CTNND2: variants seen among roughly 807,000 people sequenced by gnomAD.
The protein encoded by CTNND2 is catenin delta-2.
A neutral mutation model predicts 144.4 loss-of-function variants in CTNND2; 22 were observed. The ratio of observed to expected loss-of-function variants is 0.15; its 90% confidence interval spans 0.11 to 0.22. The LOEUF is 0.22. CTNND2 is among the 10% of genes least tolerant of loss of function. CTNND2 has a pLI of 1.00. For synonymous variants in CTNND2, 751 were observed against 695.6 expected (o/e 1.08, Z -1.25); for missense variants, 1,353 against 1,618.8 (o/e 0.84, Z 2.82).
At chr5:11,095,338 C>A (rs1751228301) in intron 15 of CTNND2, among the ~76,000 whole-genome samples, 1 of 152,178 alleles carries the variant, frequency 6.6e-6, no homozygotes, top group Non-Finnish European at 1.5e-5. Flanking sequence ...CTCATAACTT[C>A]TTTCTATCAA....
At chr5:11,653,831 G>A (rs1309315094) in intron 2 of CTNND2, among the ~76,000 whole-genome samples, 1 of 151,798 alleles carries the variant, frequency 6.6e-6, no homozygotes, top group Non-Finnish European at 1.5e-5. Flanking sequence ...CAATGTTAAG[G>A]AGCTTTTTTG....
rs1200347481 is a variant in CTNND2 at position 11,470,972 on chromosome 5, ATATATATATT to A, written c.288-58913_288-58904del. Among the ~76,000 whole-genome samples the A allele has an allele frequency of 2.7e-3, 263 of 98,394 alleles. 6 individuals are homozygous for A. Among genetic ancestry groups the A allele is most frequent in the African/African-American group, 0.012 (252 of 20,636 alleles). 64.6% of individuals were successfully genotyped at this position (98,394 alleles called of 152,430 possible). On this transcript the variant is annotated intron_variant, in intron 3 of 21. Coordinates refer to ENST00000304623, the MANE Select transcript of CTNND2 (RefSeq NM_001332.4). ...ATACAAAGTATATATATATATATAT[ATATATATATT>A]TTTTTTTTTTTTTTAGATGGAGTCT...
At chr5:11,271,147 C>T (rs538842213) in intron 9 of CTNND2, among the ~76,000 whole-genome samples, 220 of 152,274 alleles carry the variant, frequency 1.4e-3, no homozygotes, top group African/African-American at 4.9e-3. Flanking sequence ...AAGGTAGATG[C>T]ATTTGAATAG....
intron 2 of CTNND2, among the ~76,000 whole-genome samples, chr5:11,714,822 T>A (rs1786260992): frequency 6.7e-6 from 1 of 150,330 alleles, no homozygotes; most frequent in African/African-American, 2.5e-5. Context: ...AGCAGGAGAA[T>A]GGCATGAACC....
chr5:11,754,684 A>G (rs532932148), intron 1 of CTNND2, among the ~76,000 whole-genome samples: 7 of 151,704 alleles, frequency 4.6e-5, no homozygotes, highest in African/African-American at 1.7e-4. Context: ...TTTCTTGTTG[A>G]GTTGATCCTT....
intron 3 of CTNND2, among the ~76,000 whole-genome samples, chr5:11,562,326 A>G (rs1776748073): frequency 6.6e-6 from 1 of 152,152 alleles, no homozygotes; most frequent in Admixed American, 6.6e-5. Flanking sequence ...TTGTTTAAAT[A>G]TCCCTTTTGA....
chr5:10,986,490 C>T, intron 20 of CTNND2: 5 of 374,406 alleles, frequency 1.3e-5, no homozygotes, highest in South Asian at 1.0e-4. Context: ...AATTTGGTGT[C>T]ATGACTAGCT....
chr5:11,789,414 T>G (rs960108721), intron 1 of CTNND2, among the ~76,000 whole-genome samples: 2 of 152,188 alleles, frequency 1.3e-5, no homozygotes, highest in African/African-American at 4.8e-5. Flanking sequence ...CTTTATGAGC[T>G]TCTATGAAAT....
At chr5:11,812,213 A>G (rs1792372735) in intron 1 of CTNND2, among the ~76,000 whole-genome samples, 1 of 152,218 alleles carries the variant, frequency 6.6e-6, no homozygotes, top group African/African-American at 2.4e-5. Flanking sequence ...AAGCAGAGAC[A>G]GTGAATAGCA....
chr5:11,550,095 G>A (rs770376687), intron 3 of CTNND2, among the ~76,000 whole-genome samples: 11 of 152,168 alleles, frequency 7.2e-5, no homozygotes, highest in Non-Finnish European at 1.6e-4. Flanking sequence ...CTAACACCAT[G>A]CTAATTGTTT....
At chr5:11,344,370 C>A (rs1461082374) in intron 9 of CTNND2, among the ~76,000 whole-genome samples, 1 of 149,184 alleles carries the variant, frequency 6.7e-6, no homozygotes, top group African/African-American at 2.5e-5. Context: ...CCAGCCTGGG[C>A]GACAAAACGA....
chr5:11,703,143 T>A (rs1347035230), intron 2 of CTNND2, among the ~76,000 whole-genome samples: 1 of 152,210 alleles, frequency 6.6e-6, no homozygotes, highest in African/African-American at 2.4e-5. Flanking sequence ...GGCTAAGAGC[T>A]ACCCAACTGA....
chr5:11,538,862 T>G (rs1274063437), intron 3 of CTNND2, among the ~76,000 whole-genome samples: 2 of 152,176 alleles, frequency 1.3e-5, no homozygotes, highest in Non-Finnish European at 2.9e-5. Context: ...CAATTCTCAA[T>G]AGTTTTCCAG....
intron 9 of CTNND2, among the ~76,000 whole-genome samples, chr5:11,341,455 T>A (rs1310346383): frequency 6.6e-6 from 1 of 152,164 alleles, no homozygotes; most frequent in Non-Finnish European, 1.5e-5. Context: ...CTCTTCAAAC[T>A]CCAGAAGTCT....
chr5:11,428,862 T>C (rs1763021458), intron 3 of CTNND2, among the ~76,000 whole-genome samples: 3 of 152,240 alleles, frequency 2.0e-5, no homozygotes, highest in African/African-American at 4.8e-5. Context: ...AATAAGAACA[T>C]TCAAGAATCA....
At chr5:11,051,029 GAA>G (rs1157874021) in intron 16 of CTNND2, among the ~76,000 whole-genome samples, 14 of 152,190 alleles carry the variant, frequency 9.2e-5, no homozygotes, top group African/African-American at 3.4e-4. Context: ...CTTGCTATAG[GAA>G]GCTCAGAATA....
At chr5:11,091,122 T>A (rs1223445080) in intron 15 of CTNND2, among the ~76,000 whole-genome samples, 1 of 152,168 alleles carries the variant, frequency 6.6e-6, no homozygotes, top group East Asian at 1.9e-4. Context: ...CCTTTCTCTG[T>A]CCTCTCATTA....
intron 12 of CTNND2, among the ~76,000 whole-genome samples, chr5:11,150,136 C>T (rs920122947): frequency 6.6e-6 from 1 of 152,180 alleles, no homozygotes; most frequent in African/African-American, 2.4e-5. Flanking sequence ...ACCTCTGCTT[C>T]CTATGAGACC....
chr5:11,182,613 T>TA (rs1228928686), intron 11 of CTNND2, among the ~76,000 whole-genome samples: 1 of 151,914 alleles, frequency 6.6e-6, no homozygotes, highest in Non-Finnish European at 1.5e-5. Context: ...CAACTCTTAC[T>TA]ACTAGCCATG....
Sources: allele counts gnomAD v4.1 joint callset (sites outside exome capture counted in the v4.1 genomes callset), GRCh38; gene constraint gnomAD v4.1.1; transcripts MANE v1.5; gene names NCBI Gene and HGNC (gene_info 2026-07-23, HGNC 2026-07-21).